The following L3MBTL4 variants were observed in gnomAD, a reference collection of about 807,000 sequenced individuals.
L3MBTL4 encodes the protein lethal(3)malignant brain tumor-like protein 4.
A neutral mutation model predicts 84.5 loss-of-function variants in L3MBTL4; 70 were observed. The ratio of observed to expected loss-of-function variants is 0.83; its 90% CI spans 0.68 to 1.01. The LOEUF (loss-of-function observed/expected upper bound fraction) is 1.01. L3MBTL4 is among the 50% of genes least tolerant of loss of function. The pLI is 0.00. For missense variants in L3MBTL4, 715 were observed against 754.8 expected (o/e 0.95, Z 0.62); for synonymous variants, 274 against 259.8 (o/e 1.05, Z -0.52).
intron 12 of L3MBTL4, among the ~76,000 whole-genome samples, chr18:6,196,813 G>C (rs1481104806): frequency 6.6e-6 from 1 of 152,188 alleles, no homozygotes; most frequent in Non-Finnish European, 1.5e-5. Context: ...TGTTGTTTGA[G>C]ACCCTGGATT....
Position 5,997,723 on chromosome 18 carries a change from T to C in L3MBTL4, c.1445-28161A>G, listed in dbSNP as rs537448125. On this transcript the variant is annotated intron_variant, in intron 16 of 18. Transcript: ENST00000317931. ...AAAGCCAAGCTGTGCCCTGATCACC[T>C]TGGGCACATGTCCTCAGGACCTCCT... Among the ~76,000 whole-genome samples the C allele has an allele frequency of 2.0e-5, 3 of 152,212 alleles. No homozygotes were observed. In the South Asian group the frequency reaches 6.2e-4, roughly 32 times the overall value.
intron 1 of L3MBTL4, among the ~76,000 whole-genome samples, chr18:6,325,637 CAAA>C (rs1272736159): frequency 7.9e-5 from 12 of 152,150 alleles, no homozygotes; most frequent in African/African-American, 2.9e-4. Context: ...AAATAGGAAA[CAAA>C]AAATTCAGCA....
At chr18:6,400,301 G>C (rs978648597) in intron 1 of L3MBTL4, among the ~76,000 whole-genome samples, 6 of 152,160 alleles carry the variant, frequency 3.9e-5, no homozygotes, top group African/African-American at 1.4e-4. Flanking sequence ...AATGCACTTT[G>C]CCTGGGTGTT....
chr18:6,238,034 A>G lies in L3MBTL4; in HGVS notation c.714T>C (p.Asp238=). The change falls in exon 10 of 19, where the codon GAT becomes GAC. Residue 238 remains aspartate (D), a synonymous_variant. Coordinates refer to ENST00000317931, the MANE Select transcript of L3MBTL4 (RefSeq NM_001330559.2). ...NWDDSYDYWC[D]VNSPYVQPVG... ...CTGGCTGGACATAAGGGCTATTAACATCGCACCTGCAAAAACAGAGCTCTA... is the reference window on the plus strand; with the variant it reads ...CTGGCTGGACATAAGGGCTATTAACGTCGCACCTGCAAAAACAGAGCTCTA... 6.2e-7 allele frequency: 1 copy of G among 1,614,008 alleles called. No individual in the cohort carries two copies. The highest frequency in any genetic ancestry group is 8.5e-7 in the Non-Finnish European group (1 of 1,179,892).
rs1287894518 is a variant in L3MBTL4 at position 6,361,595 on chromosome 18, AT to A, written c.-90-49540del. On this transcript the variant is annotated intron_variant, in intron 1 of 18. Coordinates refer to ENST00000317931, the MANE Select transcript of L3MBTL4 (RefSeq NM_001330559.2). ...AGGCTGGAAATTGTTGGCAGAACCT[AT>A]TTTCCTCATGTGGAAATGGAGGAAA... Among the ~76,000 whole-genome samples, 8 of 152,220 alleles carry A rather than the reference AT, an allele frequency of 5.3e-5. No individual in the cohort carries two copies. In the South Asian group the frequency reaches 1.7e-3, roughly 32 times the overall value.
chr18:6,414,116 C>T lies in L3MBTL4; in HGVS notation c.-91+685G>A, dbSNP rs1047301409. 1 of 152,298 alleles carries T rather than the reference C, an allele frequency of 6.6e-6. No individual in the cohort carries two copies. The highest frequency in any genetic ancestry group is 2.4e-5 in the African/African-American group (1 of 41,474). The allele number at this position is 152,298 out of a possible 1,614,324, so 9.4% of individuals were successfully genotyped here. On this transcript the variant is annotated intron_variant, in intron 1 of 18. Transcript: ENST00000317931. The surrounding 1 kb of genome is among the most constrained non-coding windows in gnomAD (Gnocchi z 5.4). ...AGGGCGACTGTGGCCGGCGCGCCCC[C>T]CGCAGTTCCAGGCGGTGGCAGGAGC...
intron 13 of L3MBTL4, among the ~76,000 whole-genome samples, chr18:6,159,959 G>A (rs2043254694): frequency 6.6e-6 from 1 of 152,076 alleles, no homozygotes; most frequent in South Asian, 2.1e-4. Flanking sequence ...ATTTTATTCT[G>A]CATTGTTTAG....
chr18:6,173,890 T>C (rs969333537), intron 12 of L3MBTL4, among the ~76,000 whole-genome samples: 1 of 152,098 alleles, frequency 6.6e-6, no homozygotes, highest in African/African-American at 2.4e-5. Context: ...AGAGAGTAGC[T>C]GATACGGGGC....
chr18:6,370,133 CAAAAAAAAAAAA>C (rs35835409), intron 1 of L3MBTL4, among the ~76,000 whole-genome samples: 9 of 88,264 alleles, frequency 1.0e-4, no homozygotes, highest in Admixed American at 1.2e-4. Flanking sequence ...GACTCGGTCT[CAAAAAAAAAAAA>C]AAAAAAAAAG....
rs1178198244 is a variant in L3MBTL4, at chr18:6,071,812, AAAG to A, written c.1444+9066_1444+9068del. Reference sequence around the variant, plus strand: ...AAGAAAGAAAGAAAGAAAAAGAAAGAAAGGAAAGAAAGAAAGAAAGAAAGAGAA... The same window carrying A: ...AAGAAAGAAAGAAAGAAAAAGAAAGAGAAAGAAAGAAAGAAAGAAAGAGAA... On this transcript the variant is annotated intron_variant, in intron 16 of 18. Transcript: ENST00000317931. Among the ~76,000 whole-genome samples the A allele has an allele frequency of 6.9e-5, 9 of 129,640 alleles. 1 individual carries two copies. Among genetic ancestry groups the A allele is most frequent in the African/African-American group, 3.5e-4 (9 of 25,530 alleles). 85.0% of individuals were successfully genotyped at this position (129,640 alleles called of 152,430 possible).
intron 11 of L3MBTL4, among the ~76,000 whole-genome samples, chr18:6,213,650 G>A (rs547675098): frequency 1.3e-5 from 2 of 152,290 alleles, no homozygotes; most frequent in East Asian, 1.9e-4. Flanking sequence ...GACCTCAGGT[G>A]ATCTGCCCAC....
At chr18:6,328,595 G>A (rs341172) in intron 1 of L3MBTL4, among the ~76,000 whole-genome samples, 6,899 of 152,308 alleles carry the variant, frequency 0.045, 179 homozygotes, top group East Asian at 0.11. Context: ...GCTATATGCA[G>A]AAATAAAATC....
chr18:6,095,420 G>A (rs1326786032), intron 14 of L3MBTL4, among the ~76,000 whole-genome samples: 3 of 147,396 alleles, frequency 2.0e-5, no homozygotes, highest in Non-Finnish European at 3.0e-5. Flanking sequence ...CGATGATCTC[G>A]GCTCACTGCA....
intron 12 of L3MBTL4, among the ~76,000 whole-genome samples, chr18:6,196,803 T>C (rs768100493): frequency 6.6e-6 from 1 of 152,200 alleles, no homozygotes; most frequent in Admixed American, 6.5e-5. Flanking sequence ...GCCACAACCA[T>C]GTTGTTTGAG....
intron 1 of L3MBTL4, among the ~76,000 whole-genome samples, chr18:6,343,145 G>A (rs1195170602): frequency 6.6e-6 from 1 of 152,122 alleles, no homozygotes; most frequent in Admixed American, 6.5e-5. Flanking sequence ...AATAGTAATA[G>A]GGAACTTTGA....
intron 12 of L3MBTL4, among the ~76,000 whole-genome samples, chr18:6,187,031 T>C (rs1308197559): frequency 1.3e-5 from 2 of 152,210 alleles, no homozygotes; most frequent in East Asian, 3.9e-4. Flanking sequence ...GACAGGACGA[T>C]GCCCAAGGTC....
chr18:6,091,400 G>A (rs1476354739), intron 15 of L3MBTL4, among the ~76,000 whole-genome samples: 1 of 152,194 alleles, frequency 6.6e-6, no homozygotes, highest in Admixed American at 6.5e-5. Flanking sequence ...TTGGTCTTGA[G>A]ATGTAAAAGC....
At chr18:6,390,792 A>G (rs2055015719) in intron 1 of L3MBTL4, among the ~76,000 whole-genome samples, 1 of 152,098 alleles carries the variant, frequency 6.6e-6, no homozygotes, top group African/African-American at 2.4e-5. Context: ...AACAGAAACC[A>G]TGAACAGACC....
intron 1 of L3MBTL4, chr18:6,394,717 G>A (rs1371252763): frequency 2.0e-5 from 3 of 151,830 alleles, no homozygotes; most frequent in Admixed American, 6.6e-5. Context: ...TGGAAATAAT[G>A]CCACTATAAA....
Sources: gnomAD v4.1 joint callset for allele counts (sites outside exome capture counted in the v4.1 genomes callset) on GRCh38, gnomAD v4.1.1 for gene constraint, Gnocchi (gnomAD v3.1) non-coding constraint, MANE v1.5 for transcripts, NCBI Gene and HGNC (gene_info 2026-07-23, HGNC 2026-07-21) for gene names.